The following NXN variants were observed in gnomAD, a reference collection of about 807,000 sequenced individuals.
NXN encodes nucleoredoxin 1.
NXN carries 16 observed loss-of-function variants against 48.6 expected under a neutral mutation model. The observed-to-expected ratio is 0.33, with a 90% CI of 0.22 to 0.50. The LOEUF is 0.50. Ranked by LOEUF, NXN falls within the 20% of genes least tolerant of loss-of-function variation. The pLI is 0.98. For missense variants in NXN, 492 were observed against 605.5 expected (o/e 0.81, Z 1.97); for synonymous variants, 281 against 269.6 (o/e 1.04, Z -0.41).
intron 5 of NXN, among the ~76,000 whole-genome samples, chr17:814,648 C>T (rs944115937): frequency 3.3e-5 from 5 of 152,362 alleles, no homozygotes; most frequent in African/African-American, 1.2e-4. Flanking sequence ...ATCCTGTCCA[C>T]TCAAGGGCAG....
chr17:903,817 T>A (rs200120795), intron 1 of NXN, among the ~76,000 whole-genome samples: 1 of 152,166 alleles, frequency 6.6e-6, no homozygotes, highest in East Asian at 1.9e-4. Flanking sequence ...TACAACGTAT[T>A]ATGACCGCAG....
At chr17:941,418 C>A (rs374362939) in intron 1 of NXN, among the ~76,000 whole-genome samples, 3 of 122,688 alleles carry the variant, frequency 2.4e-5, no homozygotes, top group African/African-American at 3.2e-5. Flanking sequence ...GGATTTACAG[C>A]GAACAAGATT....
chr17:878,817 A>C (rs2068250161), intron 1 of NXN, among the ~76,000 whole-genome samples: 1 of 152,158 alleles, frequency 6.6e-6, no homozygotes, highest in African/African-American at 2.4e-5. Context: ...CTAAAAAAAC[A>C]CGCAGAGCCA....
chr17:856,478 A>G (rs945591601), intron 1 of NXN, among the ~76,000 whole-genome samples: 11 of 148,114 alleles, frequency 7.4e-5, no homozygotes, highest in African/African-American at 2.8e-4. Flanking sequence ...GGTCTTGCTA[A>G]GTACTTGTCT....
chr17:832,751 C>T lies in NXN; in HGVS notation c.361-6673G>A, dbSNP rs558552019. On this transcript the variant is annotated intron_variant, in intron 1 of 7. Transcript: ENST00000336868. ...ATCTTCCCTCCCTCCCTAAAGATTC[C>T]CCGTTCCTTTCTGGTTGCATCTCAG... Among the ~76,000 whole-genome samples the T allele has an allele frequency of 8.5e-5, 13 of 152,154 alleles. No homozygotes were observed. In the South Asian group the frequency reaches 2.3e-3, roughly 27 times the overall value.
chr17:968,605 T>C (rs1460050473), intron 1 of NXN, among the ~76,000 whole-genome samples: 4 of 151,882 alleles, frequency 2.6e-5, no homozygotes, highest in East Asian at 2.0e-4. Flanking sequence ...ACAGATGTCA[T>C]CAAATCAACA....
intron 1 of NXN, among the ~76,000 whole-genome samples, chr17:974,696 T>C (rs1197255671): frequency 1.3e-5 from 2 of 151,840 alleles, no homozygotes; most frequent in African/African-American, 2.4e-5. Flanking sequence ...CTCTATATTT[T>C]TAGCCATGTA....
At chr17:892,691 G>C (rs775708266) in intron 1 of NXN, among the ~76,000 whole-genome samples, 7 of 152,192 alleles carry the variant, frequency 4.6e-5, no homozygotes, top group Admixed American at 2.0e-4. Context: ...GTTCATCGCT[G>C]TCCCAGGAAA....
intron 1 of NXN, among the ~76,000 whole-genome samples, chr17:831,212 C>T (rs1466219114): frequency 6.6e-6 from 1 of 151,754 alleles, no homozygotes; most frequent in South Asian, 2.1e-4. Context: ...GTAATCCCAG[C>T]ACTTAGGGAG....
intron 1 of NXN, among the ~76,000 whole-genome samples, chr17:839,612 A>G (rs1027593017): frequency 2.7e-5 from 4 of 150,742 alleles, no homozygotes; most frequent in African/African-American, 9.8e-5. Context: ...GGAGTTCGAG[A>G]CCCCTGGGCA....
chr17:824,467 G>A (rs903311124), intron 2 of NXN, among the ~76,000 whole-genome samples: 1 of 152,168 alleles, frequency 6.6e-6, no homozygotes, highest in Non-Finnish European at 1.5e-5. Flanking sequence ...CGAGGGACTC[G>A]GTTTGGGAAT....
chr17:877,647 A>T (rs1277271580), intron 1 of NXN, among the ~76,000 whole-genome samples: 1 of 152,208 alleles, frequency 6.6e-6, no homozygotes, highest in Non-Finnish European at 1.5e-5. Context: ...CTACTGGCAC[A>T]TAGAGGAAAT....
At position 825,847 on chromosome 17, in the gene NXN, C is replaced by G. The variant is rs1298106895; in HGVS notation, c.478+114G>C. ...CGACATTCTCTACCACGTAAACCCA[C>G]GTGTATCTATTTCACCAGTACTCTC... On this transcript the variant is annotated intron_variant, in intron 2 of 7. Coordinates refer to ENST00000336868, the MANE Select transcript of NXN (RefSeq NM_022463.5). This position sits in a 1 kb window ranked among gnomAD's most constrained non-coding sequence, Gnocchi z 4.1. 1 of 685,576 alleles carries G rather than the reference C, an allele frequency of 1.5e-6. No individual in the cohort carries two copies. Among genetic ancestry groups the G allele is most frequent in the South Asian group, 1.8e-5 (1 of 54,942 alleles). 42.5% of individuals were successfully genotyped at this position (685,576 alleles called of 1,614,324 possible).
chr17:806,637 A>G (rs557181786), intron 5 of NXN, among the ~76,000 whole-genome samples: 138 of 152,200 alleles, frequency 9.1e-4, no homozygotes, highest in Non-Finnish European at 1.6e-3. Context: ...TTTATGTGAA[A>G]GTCAGAGCAA....
chr17:958,640 G>A lies in NXN; in HGVS notation c.360+20679C>T, dbSNP rs918677187. ...ACAAAAATTAGCCAGGCGTGGTGGC[G>A]TGCGCCTGTAGTCCCAGCTACTCAG... On this transcript the variant is annotated intron_variant, in intron 1 of 7. Transcript: ENST00000336868. This position sits in a 1 kb window ranked among gnomAD's most constrained non-coding sequence, Gnocchi z 6.9. Among the ~76,000 whole-genome samples the A allele has an allele frequency of 2.4e-4, 37 of 152,158 alleles. 1 individual carries two copies. The highest frequency in any genetic ancestry group is 8.3e-4 in the South Asian group (4 of 4,828).
At chr17:960,023 C>A (rs1205586748) in intron 1 of NXN, among the ~76,000 whole-genome samples, 1 of 151,234 alleles carries the variant, frequency 6.6e-6, no homozygotes, top group Non-Finnish European at 1.5e-5. Flanking sequence ...ACCCGGGGGG[C>A]AGAGGTTGCG....
chr17:823,504 C>G (rs1912929398), intron 3 of NXN, 128 bp downstream of exon 3: 10 of 1,015,082 alleles, frequency 9.9e-6, no homozygotes, highest in South Asian at 9.7e-5. Context: ...GCCTCGGGCA[C>G]AGGAGAAGGC....
At chr17:884,114 G>A (rs71357126) in intron 1 of NXN, among the ~76,000 whole-genome samples, 1 of 151,912 alleles carries the variant, frequency 6.6e-6, no homozygotes, top group African/African-American at 2.4e-5. Flanking sequence ...CCAGCTACTT[G>A]AGAGGCTGAG....
At chr17:865,644 A>C (rs1669421207) in intron 1 of NXN, among the ~76,000 whole-genome samples, 1 of 152,202 alleles carries the variant, frequency 6.6e-6, no homozygotes, top group South Asian at 2.1e-4. Context: ...TTGGCTTAGC[A>C]ATTCCAATTC....
Sources: gnomAD v4.1 joint callset for allele counts (sites outside exome capture counted in the v4.1 genomes callset) on GRCh38, gnomAD v4.1.1 for gene constraint, Gnocchi (gnomAD v3.1) non-coding constraint, MANE v1.5 for transcripts, NCBI Gene and HGNC (gene_info 2026-07-23, HGNC 2026-07-21) for gene names.